Variants in TPP2 observed in about 807,000 individuals in gnomAD.
The protein encoded by TPP2 is tripeptidyl-peptidase 2.
In TPP2, 34 loss-of-function variants were observed where a neutral mutation model predicts 155.9. The ratio of observed to expected loss-of-function variants is 0.22; its 90% confidence interval spans 0.17 to 0.29. The LOEUF (loss-of-function observed/expected upper bound fraction) is 0.29, where lower values mean the gene tolerates loss of function less well. Among genes scored for constraint, TPP2 ranks in the 10% least tolerant of loss-of-function variants. TPP2 has a pLI of 1.00. For missense variants in TPP2, 1,028 were observed against 1,522.3 expected (o/e 0.68, Z 5.40); for synonymous variants, 510 against 529.4 (o/e 0.96, Z 0.50).
chr13:102,617,164 T>C (rs763070680), intron 4 of TPP2, among the ~76,000 whole-genome samples: 2 of 152,140 alleles, frequency 1.3e-5, no homozygotes, highest in East Asian at 3.9e-4. Context: ...TACGCCCACC[T>C]TGGCCTCCCA....
rs549326360 is a variant in TPP2 at position 102,663,442 on chromosome 13, A to G, written c.3144-206A>G. On this transcript the variant is annotated intron_variant, in intron 25 of 29. Coordinates refer to ENST00000376052, the MANE Select transcript of TPP2 (RefSeq NM_001330588.2). Reference sequence around the variant, plus strand: ...ATTACAGGGGTGAGCCACCATGCCCAGCCCAGTTTGATTTATTTTTGTTTT... The same window carrying G: ...ATTACAGGGGTGAGCCACCATGCCCGGCCCAGTTTGATTTATTTTTGTTTT... 2.0e-5 allele frequency among the ~76,000 whole-genome samples: 3 copies of G among 152,348 alleles called. No homozygotes were observed. The South Asian group carries it at 6.2e-4, about 32-fold the overall frequency.
In TPP2 at chr13:102,644,613, C is replaced by G. The variant is rs376158588; in HGVS notation, c.2232C>G (p.Val744=). The G allele has an allele frequency of 1.2e-5, 19 of 1,612,882 alleles. No individual in the cohort carries two copies. Among genetic ancestry groups the G allele is most frequent in the Non-Finnish European group, 1.6e-5 (19 of 1,179,522 alleles). The change falls in exon 18 of 30, where the codon GTC becomes GTG. Residue 744 remains valine (V), a synonymous_variant. Transcript: ENST00000376052. ...GTTGGTGGGCAAGTCTCAGTGATGT[C>G]AACATTGATTATACCATTTCTTTCC... is the stretch of plus-strand genomic sequence containing the variant. ...IARWWASLSD[V]NIDYTISFHG...
intron 1 of TPP2, among the ~76,000 whole-genome samples, chr13:102,600,669 A>G (rs1282044462): frequency 6.6e-6 from 1 of 152,192 alleles, no homozygotes; most frequent in Non-Finnish European, 1.5e-5. Flanking sequence ...TGTTGAATGG[A>G]AAAAATATAT....
chr13:102,657,096 CAA>C lies in TPP2; in HGVS notation c.3034_3035del (p.Lys1012AspfsTer2). 6.3e-7 allele frequency: 1 copy of C among 1,588,282 alleles called. No individual in the cohort carries two copies. The highest frequency in any genetic ancestry group is 8.5e-7 in the Non-Finnish European group (1 of 1,171,352). Reference sequence around the variant, plus strand: ...CATTACTACTTAATACCTCCACCAACAAAGACTAAGAATGGCAGCAAAGATAA... The same window carrying C: ...CATTACTACTTAATACCTCCACCAACAGACTAAGAATGGCAGCAAAGATAA... On this transcript the variant is annotated frameshift_variant, in exon 25 of 30. Transcript: ENST00000376052. LOFTEE classifies it high-confidence loss of function.
At chr13:102,656,048 C>A (rs964366875) in intron 24 of TPP2, among the ~76,000 whole-genome samples, 3 of 152,124 alleles carry the variant, frequency 2.0e-5, no homozygotes, top group Admixed American at 6.5e-5. Context: ...TTTCTGCGAC[C>A]CATTTTTAGT....
intron 2 of TPP2, among the ~76,000 whole-genome samples, chr13:102,607,203 T>G (rs1566317930): frequency 1.3e-5 from 2 of 152,200 alleles, no homozygotes; most frequent in East Asian, 3.8e-4. Flanking sequence ...CAGTTTACGG[T>G]GCGGGTTGAG....
Position 102,657,204 on chromosome 13 carries a change from C to T in TPP2, c.3140C>T (p.Thr1047Ile). The T allele has an allele frequency of 1.9e-6, 3 of 1,567,372 alleles. No individual in the cohort carries two copies. The highest frequency in any genetic ancestry group is 2.6e-6 in the Non-Finnish European group (3 of 1,166,538). ...CGAGATCTTAAAATTCAGTGGATGA[C>T]AAAGTAGGTTTTTAAATGTATTTTA... ...ALRDLKIQWM[T>I]KLDSSDIYNE... The change falls in exon 25 of 30, where the codon ACA (threonine) becomes ATA (isoleucine). Residue 1047 changes from threonine to isoleucine, a missense_variant. Physicochemically the swap from Thr to Ile is moderately conservative, Grantham distance 89. Coordinates refer to ENST00000376052, the MANE Select transcript of TPP2 (RefSeq NM_001330588.2).
chr13:102,668,470 A>G (rs933238621), intron 27 of TPP2, among the ~76,000 whole-genome samples: 16 of 152,204 alleles, frequency 1.1e-4, no homozygotes, highest in African/African-American at 3.6e-4. Flanking sequence ...TAGAATTAGT[A>G]AATAACATAA....
At chr13:102,634,542 G>A (rs1262202263) in intron 11 of TPP2, among the ~76,000 whole-genome samples, 2 of 152,180 alleles carry the variant, frequency 1.3e-5, no homozygotes, top group Non-Finnish European at 2.9e-5. Context: ...ACTGGGCTTA[G>A]CCAGGACTCA....
intron 2 of TPP2, among the ~76,000 whole-genome samples, chr13:102,608,301 T>A (rs1880003201): frequency 6.6e-6 from 1 of 152,206 alleles, no homozygotes. Context: ...GATTTTTTTT[T>A]CTAGTCTTAA....
At chr13:102,669,500 C>G (rs1443817165) in intron 27 of TPP2, among the ~76,000 whole-genome samples, 1 of 152,150 alleles carries the variant, frequency 6.6e-6, no homozygotes, top group East Asian at 1.9e-4. Context: ...AGCATGTATG[C>G]TAATTAGGTG....
At chr13:102,633,927 A>G (rs774455032) in intron 10 of TPP2, 23 bp from the exon 11 acceptor site, 3 of 1,613,478 alleles carry the variant, frequency 1.9e-6, no homozygotes, top group Non-Finnish European at 2.5e-6. Flanking sequence ...ATCCTAAGCA[A>G]ACTTCAATGG....
At chr13:102,669,742 TGCGAATGGGTG>T (rs1327417972) in intron 27 of TPP2, among the ~76,000 whole-genome samples, 1 of 148,986 alleles carries the variant, frequency 6.7e-6, no homozygotes, top group Non-Finnish European at 1.5e-5. Context: ...GAAACATTGA[TGCGAATGGGTG>T]GCTTGGTCAA....
Position 102,636,100 on chromosome 13 carries a change from T to C in TPP2, c.1510-124T>C, listed in dbSNP as rs1882360723. The C allele has an allele frequency of 3.2e-6, 3 of 933,548 alleles. No individual in the cohort carries two copies. In the East Asian group the frequency reaches 8.0e-5, roughly 25 times the overall value. 57.8% of individuals were successfully genotyped at this position (933,548 alleles called of 1,614,324 possible). On this transcript the variant is annotated intron_variant, in intron 12 of 29. Coordinates refer to ENST00000376052, the MANE Select transcript of TPP2 (RefSeq NM_001330588.2). Reference sequence around the variant, plus strand: ...CTCTTAGTTGGGGTACTAGGTAGTTTTGAGAGGTGAATATAGACACTAACT... The same window carrying C: ...CTCTTAGTTGGGGTACTAGGTAGTTCTGAGAGGTGAATATAGACACTAACT...
chr13:102,669,608 C>A (rs911523143), intron 27 of TPP2, among the ~76,000 whole-genome samples: 1 of 152,166 alleles, frequency 6.6e-6, no homozygotes, highest in Non-Finnish European at 1.5e-5. Context: ...TTCTAGTTCT[C>A]TAGGGTTAAC....
chr13:102,636,187 A>C, intron 12 of TPP2, 37 bp from the exon 13 acceptor site: 1 of 1,532,468 alleles, frequency 6.5e-7, no homozygotes, highest in South Asian at 1.3e-5. Flanking sequence ...TTTTGACCCA[A>C]CCATTTATAT....
At chr13:102,628,632 C>G (rs1296107289) in intron 8 of TPP2, among the ~76,000 whole-genome samples, 1 of 151,894 alleles carries the variant, frequency 6.6e-6, no homozygotes, top group Non-Finnish European at 1.5e-5. Context: ...TCCTTTTTTT[C>G]TTCATAGTAG....
At chr13:102,616,891 A>G (rs9557895) in intron 4 of TPP2, among the ~76,000 whole-genome samples, 85,443 of 151,732 alleles carry the variant, frequency 0.56, 24,402 homozygotes, top group African/African-American at 0.66. Flanking sequence ...ATGGAACCAT[A>G]TAGTATGGTT....
At chr13:102,607,983 G>A (rs1468454034) in intron 2 of TPP2, 1 of 153,828 alleles carries the variant, frequency 6.5e-6, no homozygotes, top group Non-Finnish European at 1.5e-5. Flanking sequence ...AATTATATGT[G>A]TACCATATGT....
Sources: gnomAD v4.1 joint callset for allele counts (sites outside exome capture counted in the v4.1 genomes callset) on GRCh38, gnomAD v4.1.1 for gene constraint, MANE v1.5 for transcripts, NCBI Gene and HGNC (gene_info 2026-07-23, HGNC 2026-07-21) for gene names.